The following SVIL variants were observed in gnomAD, a reference collection of about 807,000 sequenced individuals.
The protein encoded by SVIL is archvillin.
Under a neutral mutation model 240.4 loss-of-function variants are expected in SVIL, and 101 were observed. That is an observed-to-expected ratio of 0.42 (90% CI 0.36 to 0.50). The LOEUF (loss-of-function observed/expected upper bound fraction) is 0.50, where lower values mean the gene tolerates loss of function less well. SVIL is among the 20% of genes least tolerant of loss of function. The pLI is 0.01. For missense variants in SVIL, 2,512 were observed against 2,818.7 expected (o/e 0.89, Z 2.46); for synonymous variants, 999 against 1,100.0 (o/e 0.91, Z 1.82).
intron 23 of SVIL, among the ~76,000 whole-genome samples, chr10:29,488,020 G>A (rs1947584418): frequency 6.6e-6 from 1 of 152,144 alleles, no homozygotes; most frequent in South Asian, 2.1e-4. Context: ...GTGGCCACCA[G>A]GAGGCAGCCG....
chr10:29,672,197 T>C (rs1282272533), intron 2 of SVIL, among the ~76,000 whole-genome samples: 2 of 152,256 alleles, frequency 1.3e-5, no homozygotes, highest in African/African-American at 2.4e-5. Context: ...CCATGCTTAT[T>C]CATTTCTGTA....
intron 1 of SVIL, among the ~76,000 whole-genome samples, chr10:29,572,048 C>T (rs1955448302): frequency 6.6e-6 from 1 of 152,186 alleles, no homozygotes. Context: ...AAGATAATCT[C>T]TTCTAAAAGC....
intron 1 of SVIL, among the ~76,000 whole-genome samples, chr10:29,579,537 G>A (rs557121311): frequency 6.3e-4 from 96 of 152,310 alleles, no homozygotes; most frequent in African/African-American, 2.1e-3. Flanking sequence ...TATGAGTCCA[G>A]GTGAGACGTG....
intron 27 of SVIL, among the ~76,000 whole-genome samples, chr10:29,482,021 C>CT (rs35856299): frequency 0.13 from 14,071 of 111,496 alleles, 1,055 homozygotes; most frequent in Non-Finnish European, 0.18. Flanking sequence ...CTTTTCTTTT[C>CT]TTTTTTTTTT....
intron 1 of SVIL, among the ~76,000 whole-genome samples, chr10:29,631,117 C>T (rs1958071650): frequency 1.3e-5 from 2 of 152,170 alleles, no homozygotes; most frequent in Non-Finnish European, 2.9e-5. Context: ...CAAGAGAAGA[C>T]AACATTTTGG....
chr10:29,559,504 G>C (rs1033351539), intron 3 of SVIL, among the ~76,000 whole-genome samples: 3 of 152,134 alleles, frequency 2.0e-5, no homozygotes, highest in Non-Finnish European at 4.4e-5. Context: ...CAATTCAATT[G>C]ATTATATGCT....
In SVIL at chr10:29,480,689, T is replaced by G; in HGVS notation, c.5225A>C (p.His1742Pro). The change falls in exon 29 of 38, where the codon CAC (histidine) becomes CCC (proline). Residue 1742 changes from histidine to proline, a missense_variant. By Grantham distance (77) the His-to-Pro change is moderately conservative. This residue lies in a region of SVIL where 797 missense variants were observed against 925.3 expected (regional missense o/e 0.86). Transcript: ENST00000355867. Reference sequence around the variant, plus strand: ...GGTGATCTCAAACTGCCTCCTGTCGTGTCCTTCCACCAGGCCATAGCCACG... The same window carrying G: ...GGTGATCTCAAACTGCCTCCTGTCGGGTCCTTCCACCAGGCCATAGCCACG... ...VGRGYGLVEGHDRRQFEITSV... is the reference protein window; with the variant it reads ...VGRGYGLVEGPDRRQFEITSV... The G allele has an allele frequency of 6.2e-7, 1 of 1,614,196 alleles. No individual in the cohort carries two copies. The highest frequency in any genetic ancestry group is 1.1e-5 in the South Asian group (1 of 91,090).
intron 1 of SVIL, among the ~76,000 whole-genome samples, chr10:29,572,763 C>CAAAAAAAAAAAAAAAA (rs375180538): frequency 2.3e-4 from 19 of 81,222 alleles, no homozygotes; most frequent in Admixed American, 4.8e-4. Context: ...GATCCTATCT[C>CAAAAAAAAAAAAAAAA]AAAAAAAAAA....
intron 2 of SVIL, among the ~76,000 whole-genome samples, chr10:29,664,896 T>G (rs564074820): frequency 6.6e-6 from 1 of 151,994 alleles, no homozygotes; most frequent in Non-Finnish European, 1.5e-5. Context: ...CATATAAGTG[T>G]ATTTTTACAG....
intron 3 of SVIL, among the ~76,000 whole-genome samples, chr10:29,656,445 A>G (rs753587568): frequency 1.3e-5 from 2 of 151,810 alleles, no homozygotes; most frequent in African/African-American, 2.4e-5. Context: ...CCAACCCAAC[A>G]GTCCCATATA....
At chr10:29,564,625 C>G (rs911508696) in intron 2 of SVIL, among the ~76,000 whole-genome samples, 1 of 151,944 alleles carries the variant, frequency 6.6e-6, no homozygotes, top group Non-Finnish European at 1.5e-5. Flanking sequence ...AACCTCTACC[C>G]CCTGTAAAAA....
intron 1 of SVIL, among the ~76,000 whole-genome samples, chr10:29,591,316 C>T (rs1956381227): frequency 6.6e-6 from 1 of 152,184 alleles, no homozygotes. Flanking sequence ...CTTTCTACCC[C>T]ATGCCCTCAA....
At position 29,529,704 on chromosome 10, in the gene SVIL, C is replaced by T; in HGVS notation, c.2246+1G>A. On this transcript the variant is annotated splice_donor_variant, in intron 12 of 37. Transcript: ENST00000355867. LOFTEE classifies it high-confidence loss of function. The stretch of plus-strand genomic sequence containing the variant: ...GGCTGAGAAGTCCTGTGGGCACTTA[C>T]GTGGCTGCGATGACCACCTCTTCAG... 4 of 1,600,190 alleles carry T rather than the reference C, an allele frequency of 2.5e-6. No homozygotes were observed. The highest frequency in any genetic ancestry group is 3.4e-6 in the Non-Finnish European group (4 of 1,175,438).
intron 5 of SVIL, among the ~76,000 whole-genome samples, chr10:29,552,129 CA>C (rs200054832): frequency 0.019 from 1,631 of 88,146 alleles, 28 homozygotes; most frequent in African/African-American, 0.084. Context: ...AAAAACAAAA[CA>C]AAAAAAAAAA....
chr10:29,714,003 T>C (rs1202650738), intron 1 of SVIL, among the ~76,000 whole-genome samples: 1 of 152,218 alleles, frequency 6.6e-6, no homozygotes, highest in Admixed American at 6.5e-5. Flanking sequence ...CAATCAATGA[T>C]ATCTCAAGGG....
chr10:29,506,659 A>AGGGAGGGGACAGAGGTCTTAGT (rs1564534836), intron 17 of SVIL, among the ~76,000 whole-genome samples: 12 of 129,138 alleles, frequency 9.3e-5, no homozygotes, highest in Middle Eastern at 4.2e-3. Flanking sequence ...GAGGCCCTGG[A>AGGGAGGGGACAGAGGTCTTAGT]GGGAGGGGAC....
At chr10:29,693,379 G>T (rs998971905) in intron 1 of SVIL, among the ~76,000 whole-genome samples, 1 of 152,074 alleles carries the variant, frequency 6.6e-6, no homozygotes, top group Non-Finnish European at 1.5e-5. Context: ...AATCTAGAAG[G>T]TTTCTCCCTC....
chr10:29,684,887 T>C (rs1324051042), intron 2 of SVIL, among the ~76,000 whole-genome samples: 1 of 152,234 alleles, frequency 6.6e-6, no homozygotes, highest in Non-Finnish European at 1.5e-5. Flanking sequence ...TTTGGTATCT[T>C]ACTGTTCTGT....
intron 1 of SVIL, among the ~76,000 whole-genome samples, chr10:29,630,848 T>C (rs952933113): frequency 3.9e-5 from 6 of 152,072 alleles, no homozygotes; most frequent in Non-Finnish European, 8.8e-5. Context: ...CAAATTTCGA[T>C]ATGAAGAACC....
Sources: gnomAD v4.1 joint callset for allele counts (sites outside exome capture counted in the v4.1 genomes callset) on GRCh38, gnomAD v4.1.1 for gene constraint, gnomAD v4.1.1 regional missense constraint, MANE v1.5 for transcripts, NCBI Gene and HGNC (gene_info 2026-07-23, HGNC 2026-07-21) for gene names.